Variants in FNIP2 observed in about 807,000 individuals in gnomAD.
FNIP2 encodes folliculin-interacting protein 2.
A neutral mutation model predicts 108.7 loss-of-function variants in FNIP2; 32 were observed. That is an observed-to-expected ratio of 0.29 (90% CI 0.22 to 0.40). FNIP2 has a LOEUF of 0.40. Ranked by LOEUF, FNIP2 falls within the 10% of genes least tolerant of loss-of-function variation. FNIP2 has a pLI of 1.00. For missense variants in FNIP2, 1,202 were observed against 1,381.6 expected (o/e 0.87, Z 2.06); for synonymous variants, 480 against 496.7 (o/e 0.97, Z 0.45).
intron 1 of FNIP2, among the ~76,000 whole-genome samples, chr4:158,790,623 T>C (rs1776381289): frequency 6.6e-6 from 1 of 152,252 alleles, no homozygotes; most frequent in South Asian, 2.1e-4. Flanking sequence ...GATGCATGCC[T>C]GTAATTCTAG....
In FNIP2 at chr4:158,833,611, G is replaced by A. The variant is rs771840266; in HGVS notation, c.638G>A (p.Arg213His). 19 of 1,612,120 alleles carry A rather than the reference G, an allele frequency of 1.2e-5. No individual in the cohort carries two copies. The highest frequency in any genetic ancestry group is 3.3e-5 in the Admixed American group (2 of 59,988). ...NTNQNSLGPC[R>H]TGSNLAHSTP... The stretch of plus-strand genomic sequence containing the variant: ...AATCAAAATAGTTTGGGTCCTTGTC[G>A]TACTGGAAGTAACCTAGGTAAAATC... The change falls in exon 6 of 17, where the codon CGT becomes CAT. Residue 213 changes from arginine to histidine, a missense_variant. By Grantham distance (29) the Arg-to-His change is conservative (BLOSUM62 0). Transcript: ENST00000264433.
At chr4:158,902,263 G>T (rs1223937569) in intron 16 of FNIP2, among the ~76,000 whole-genome samples, 2 of 152,152 alleles carry the variant, frequency 1.3e-5, no homozygotes, top group African/African-American at 4.8e-5. Context: ...GTCTGCTGTG[G>T]TTTGTTGGAG....
intron 7 of FNIP2, among the ~76,000 whole-genome samples, chr4:158,850,753 A>G (rs1779652695): frequency 6.6e-6 from 1 of 150,652 alleles, no homozygotes; most frequent in South Asian, 2.1e-4. Context: ...AAGGATTACT[A>G]AGGAGGAAAT....
At chr4:158,814,096 TCTC>T (rs1380760812) in intron 1 of FNIP2, among the ~76,000 whole-genome samples, 5 of 152,148 alleles carry the variant, frequency 3.3e-5, no homozygotes, top group African/African-American at 7.2e-5. Flanking sequence ...TCCTCCTCCT[TCTC>T]CTCCTTCTTC....
chr4:158,826,276 G>C (rs915307341), intron 2 of FNIP2, among the ~76,000 whole-genome samples: 1 of 152,212 alleles, frequency 6.6e-6, no homozygotes, highest in African/African-American at 2.4e-5. Flanking sequence ...CATGGCAGGA[G>C]CTAAGCAGTG....
At chr4:158,813,942 C>T (rs1777424714) in intron 1 of FNIP2, among the ~76,000 whole-genome samples, 1 of 152,174 alleles carries the variant, frequency 6.6e-6, no homozygotes, top group Non-Finnish European at 1.5e-5. Context: ...ACTGTCTTTG[C>T]TCCATTGTAT....
rs1434949524 is a variant in FNIP2 at position 158,905,213 on chromosome 4, A to AG, written c.*671dup. 3.3e-5 allele frequency: 5 copies of AG among 152,428 alleles called. No homozygotes were observed. The highest frequency in any genetic ancestry group is 1.2e-4 in the African/African-American group (5 of 41,452). The allele number at this position is 152,428 out of a possible 1,614,324, so 9.4% of individuals were successfully genotyped here. ...CCTTGTTTCAGATGCAGCCATGGGTAGGTCAGAGATGGATTGTTGGTGCAA... is the reference window on the plus strand; with the variant it reads ...CCTTGTTTCAGATGCAGCCATGGGTAGGGTCAGAGATGGATTGTTGGTGCAA... On this transcript the variant is annotated 3_prime_UTR_variant, in exon 17 of 17. Coordinates refer to ENST00000264433, the MANE Select transcript of FNIP2 (RefSeq NM_020840.3).
At chr4:158,835,027 AT>A (rs1007014389) in intron 6 of FNIP2, 1 of 155,948 alleles carries the variant, frequency 6.4e-6, no homozygotes, top group African/African-American at 2.4e-5. Context: ...GCATTTTGAA[AT>A]ACATTGCTAT....
At chr4:158,884,463 T>C (rs941094426) in intron 14 of FNIP2, among the ~76,000 whole-genome samples, 1 of 152,164 alleles carries the variant, frequency 6.6e-6, no homozygotes, top group Non-Finnish European at 1.5e-5. Context: ...GCAAGTATTC[T>C]CAGAGGTCAA....
At position 158,905,314 on chromosome 4, in the gene FNIP2, C is replaced by T. The variant is rs558809430; in HGVS notation, c.*770C>T. The T allele has an allele frequency of 2.6e-5, 4 of 152,206 alleles. No individual in the cohort carries two copies. In the South Asian group the frequency reaches 6.2e-4, roughly 24 times the overall value. The allele number at this position is 152,206 out of a possible 1,614,324, so 9.4% of individuals were successfully genotyped here. A position where few individuals can be genotyped will look rare whatever the true frequency, so the allele number is the denominator to read the frequency against. ...AGCAGCAAAGTGTACAGTCTGAAAC[C>T]GTATGTTTTATCCTTATATTTTAGA... is the stretch of plus-strand genomic sequence containing the variant. On this transcript the variant is annotated 3_prime_UTR_variant, in exon 17 of 17. Coordinates refer to ENST00000264433, the MANE Select transcript of FNIP2 (RefSeq NM_020840.3).
In FNIP2 at chr4:158,904,580, A is replaced by G. The variant is rs1286208943; in HGVS notation, c.*36A>G. 2 of 1,560,242 alleles carry G rather than the reference A, an allele frequency of 1.3e-6. No homozygotes were observed. The highest frequency in any genetic ancestry group is 1.8e-6 in the Non-Finnish European group (2 of 1,136,110). ...AGGACAGTTCTTCCTTGGAAGAAAA[A>G]AATCAAATTCTCAACTGAAGGAGAA... On this transcript the variant is annotated 3_prime_UTR_variant, in exon 17 of 17. Transcript: ENST00000264433.
chr4:158,842,398 T>G (rs1779179237), intron 7 of FNIP2, among the ~76,000 whole-genome samples: 1 of 152,214 alleles, frequency 6.6e-6, no homozygotes, highest in African/African-American at 2.4e-5. Flanking sequence ...ATAAGTTTAG[T>G]GTAACTTGAA....
intron 1 of FNIP2, among the ~76,000 whole-genome samples, chr4:158,781,516 T>G (rs1453987327): frequency 6.6e-6 from 1 of 152,112 alleles, no homozygotes; most frequent in African/African-American, 2.4e-5. Context: ...TTTACATTTT[T>G]TGTTTGTTTT....
Position 158,907,410 on chromosome 4 carries a change from T to C in FNIP2, c.*2866T>C, listed in dbSNP as rs1396304496. 6.6e-6 allele frequency: 1 copy of C among 152,172 alleles called. No individual in the cohort carries two copies. Among genetic ancestry groups the C allele is most frequent in the Non-Finnish European group, 1.5e-5 (1 of 68,032 alleles). The allele number at this position is 152,172 out of a possible 1,614,324, so 9.4% of individuals were successfully genotyped here. A position where few individuals can be genotyped will look rare whatever the true frequency, so the allele number is the denominator to read the frequency against. ...TTGCAACTTTTTAAACTTAACCATA[T>C]TTTTCAAAATTAACGTTTTTGGAGG... On this transcript the variant is annotated 3_prime_UTR_variant, in exon 17 of 17. Coordinates refer to ENST00000264433, the MANE Select transcript of FNIP2 (RefSeq NM_020840.3).
rs70962634 is a variant in FNIP2 at position 158,822,174 on chromosome 4, CTTTTTTTTT to C, written c.108-3729_108-3721del. 5.9e-5 allele frequency among the ~76,000 whole-genome samples: 7 copies of C among 118,178 alleles called. No individual in the cohort carries two copies. In the Admixed American group the frequency reaches 6.3e-4, roughly 11 times the overall value. 77.5% of individuals were successfully genotyped at this position (118,178 alleles called of 152,430 possible). A position where few individuals can be genotyped will look rare whatever the true frequency, so the allele number is the denominator to read the frequency against. ...TATGTAAGAAGAATAGAGTTTTCCT[CTTTTTTTTT>C]TTTTTTTTTTTTGAGATAGAGTCTC... is the stretch of plus-strand genomic sequence containing the variant. On this transcript the variant is annotated intron_variant, in intron 1 of 16. Transcript: ENST00000264433.
chr4:158,832,017 TC>T lies in FNIP2; in HGVS notation c.483-48del, dbSNP rs781257300. 15 of 1,600,306 alleles carry T rather than the reference TC, an allele frequency of 9.4e-6. No individual in the cohort carries two copies. In the African/African-American group the frequency reaches 1.5e-4, roughly 16 times the overall value. On this transcript the variant is annotated intron_variant, in intron 4 of 16. Transcript: ENST00000264433. The stretch of plus-strand genomic sequence containing the variant: ...TGAGAAGTGGAACGGTGGTATTGAC[TC>T]CTTAACTCATAAATTTATTTTTCCC...
intron 1 of FNIP2, among the ~76,000 whole-genome samples, chr4:158,790,096 G>A (rs539964988): frequency 3.1e-4 from 47 of 151,670 alleles, no homozygotes; most frequent in Admixed American, 8.5e-4. Context: ...ATTACTTTCC[G>A]GCTATGTATA....
intron 14 of FNIP2, among the ~76,000 whole-genome samples, chr4:158,884,983 A>G (rs940756837): frequency 3.3e-5 from 5 of 151,084 alleles, no homozygotes; most frequent in Admixed American, 3.3e-4. Context: ...TCTGCTAAAA[A>G]AAAAAAAAAA....
chr4:158,801,637 C>A (rs1391358294), intron 1 of FNIP2, among the ~76,000 whole-genome samples: 1 of 152,214 alleles, frequency 6.6e-6, no homozygotes, highest in Non-Finnish European at 1.5e-5. Context: ...CTACTGCCTA[C>A]TTCCTATGGT....
Sources: gnomAD v4.1 joint callset for allele counts (sites outside exome capture counted in the v4.1 genomes callset) on GRCh38, gnomAD v4.1.1 for gene constraint, MANE v1.5 for transcripts, NCBI Gene and HGNC (gene_info 2026-07-23, HGNC 2026-07-21) for gene names.